The following IQGAP2 variants were observed in gnomAD, a reference collection of about 807,000 sequenced individuals.
IQGAP2 encodes the protein IQ motif containing GTPase activating protein 2.
IQGAP2 carries 173 observed loss-of-function variants against 201.3 expected under a neutral mutation model. The ratio of observed to expected loss-of-function variants is 0.86; its 90% confidence interval spans 0.76 to 0.98. IQGAP2 has a LOEUF of 0.98. Ranked by LOEUF, IQGAP2 falls within the 50% of genes least tolerant of loss-of-function variation. The pLI, the probability that IQGAP2 is intolerant of heterozygous loss-of-function variation, is 0.00. For synonymous variants in IQGAP2, 675 were observed against 673.9 expected (o/e 1.00, Z -0.03); for missense variants, 1,687 against 1,864.8 (o/e 0.90, Z 1.76).
chr5:76,481,985 CAG>C (rs1399053589), intron 2 of IQGAP2, among the ~76,000 whole-genome samples: 2 of 152,202 alleles, frequency 1.3e-5, no homozygotes, highest in African/African-American at 2.4e-5. Flanking sequence ...AGAATAGAAA[CAG>C]AGAATTTACC....
At position 76,403,461 on chromosome 5, in the gene IQGAP2, C is replaced by A; in HGVS notation, c.-85C>A. The A allele has an allele frequency of 9.2e-7, 1 of 1,084,556 alleles. No homozygotes were observed. The highest frequency in any genetic ancestry group is 1.2e-6 in the Non-Finnish European group (1 of 830,084). The allele number at this position is 1,084,556 out of a possible 1,614,324, so 67.2% of individuals were successfully genotyped here. On this transcript the variant is annotated 5_prime_UTR_variant, in exon 1 of 36. Coordinates refer to ENST00000274364, the MANE Select transcript of IQGAP2 (RefSeq NM_006633.5). The surrounding 1 kb of genome is among the most constrained non-coding windows in gnomAD (Gnocchi z 4.8). ...CGGCGAGAGGCGGGATCCGAGCGCG[C>A]CGGCGGGGCGCAGAGCCCGCGAGCC... is the stretch of plus-strand genomic sequence containing the variant.
chr5:76,636,795 A>T (rs1751162760), intron 15 of IQGAP2, among the ~76,000 whole-genome samples: 1 of 152,188 alleles, frequency 6.6e-6, no homozygotes, highest in African/African-American at 2.4e-5. Context: ...ATCCTCATGA[A>T]AGATTTAAGT....
chr5:76,707,296 A>T lies in IQGAP2; in HGVS notation c.4711A>T (p.Lys1571Ter). The T allele has an allele frequency of 6.6e-7, 1 of 1,521,262 alleles. No homozygotes were observed. The allele number at this position is 1,521,262 out of a possible 1,614,324, so 94.2% of individuals were successfully genotyped here. A position where few individuals can be genotyped will look rare whatever the true frequency, so the allele number is the denominator to read the frequency against. Reference sequence around the variant, plus strand: ...CCTTCTCATATACCTGCTGAACAAGAAGTTCTATGGAAAGTGAAGTGCCTA... The same window carrying T: ...CCTTCTCATATACCTGCTGAACAAGTAGTTCTATGGAAAGTGAAGTGCCTA... ...VNLLIYLLNKKFYGK is the reference protein window; with the variant it reads ...VNLLIYLLNK Residue 1571 changes from lysine (K) to a stop codon, truncating the protein, a stop_gained, in exon 36 of 36, where the codon AAG becomes TAG. Coordinates refer to ENST00000274364, the MANE Select transcript of IQGAP2 (RefSeq NM_006633.5). LOFTEE classifies it high-confidence loss of function.
intron 2 of IQGAP2, among the ~76,000 whole-genome samples, chr5:76,559,067 A>G (rs934561072): frequency 6.6e-6 from 1 of 151,812 alleles, no homozygotes; most frequent in African/African-American, 2.4e-5. Flanking sequence ...CGACCGGCTA[A>G]TTTTTTTGTA....
intron 17 of IQGAP2, among the ~76,000 whole-genome samples, chr5:76,646,252 C>A (rs960872938): frequency 2.0e-5 from 3 of 152,220 alleles, no homozygotes; most frequent in African/African-American, 7.2e-5. Flanking sequence ...TTATGAACAA[C>A]TGTTGGTGAC....
At chr5:76,452,777 C>T (rs1753839046) in intron 1 of IQGAP2, among the ~76,000 whole-genome samples, 2 of 152,120 alleles carry the variant, frequency 1.3e-5, no homozygotes, top group Admixed American at 1.3e-4. Flanking sequence ...ACTTTGGAAC[C>T]AGTTGTTTTG....
chr5:76,649,347 A>G (rs1447651096), intron 17 of IQGAP2, among the ~76,000 whole-genome samples: 2 of 152,232 alleles, frequency 1.3e-5, no homozygotes, highest in African/African-American at 4.8e-5. Context: ...TTTTATATCC[A>G]GCAAAAATAA....
At chr5:76,472,048 A>G (rs1331785264) in intron 2 of IQGAP2, among the ~76,000 whole-genome samples, 1 of 152,152 alleles carries the variant, frequency 6.6e-6, no homozygotes, top group African/African-American at 2.4e-5. Flanking sequence ...TGGTTGTTCC[A>G]TGCGGCAGCT....
At chr5:76,647,461 G>C (rs559981186) in intron 17 of IQGAP2, among the ~76,000 whole-genome samples, 12 of 152,278 alleles carry the variant, frequency 7.9e-5, no homozygotes, top group Admixed American at 3.9e-4. Flanking sequence ...CCCAGTGGGA[G>C]ATAATTTGAA....
rs1168810859 is a variant in IQGAP2, at chr5:76,405,987, G to A, written c.46+2396G>A. Among the ~76,000 whole-genome samples the A allele has an allele frequency of 3.9e-5, 6 of 152,286 alleles. No homozygotes were observed. In the Middle Eastern group the frequency reaches 0.01, roughly 259 times the overall value. On this transcript the variant is annotated intron_variant, in intron 1 of 35. Coordinates refer to ENST00000274364, the MANE Select transcript of IQGAP2 (RefSeq NM_006633.5). ...CTGAGTATAAGATGTTTGAGACTGG[G>A]CTTTAAACACAACTTTTTGGTAGTT...
intron 2 of IQGAP2, among the ~76,000 whole-genome samples, chr5:76,538,053 A>G (rs1759725144): frequency 6.6e-6 from 1 of 152,222 alleles, no homozygotes; most frequent in Non-Finnish European, 1.5e-5. Flanking sequence ...TTTATAAAGC[A>G]AGAGGTTTAA....
chr5:76,591,307 T>G (rs988091335), intron 8 of IQGAP2, among the ~76,000 whole-genome samples: 1 of 150,894 alleles, frequency 6.6e-6, no homozygotes, highest in African/African-American at 2.4e-5. Context: ...GAGAGGATGT[T>G]TTTGAATCTA....
intron 1 of IQGAP2, among the ~76,000 whole-genome samples, chr5:76,439,345 T>C (rs900588941): frequency 6.6e-6 from 1 of 152,236 alleles, no homozygotes; most frequent in Admixed American, 6.5e-5. Context: ...TTTGTAAATA[T>C]CTGTTAGGTT....
At chr5:76,431,307 T>G (rs918091508) in intron 1 of IQGAP2, among the ~76,000 whole-genome samples, 1 of 151,932 alleles carries the variant, frequency 6.6e-6, no homozygotes, top group Non-Finnish European at 1.5e-5. Flanking sequence ...TTAAATTTAA[T>G]TTATAAATAT....
chr5:76,409,138 A>T (rs151145238), intron 1 of IQGAP2, among the ~76,000 whole-genome samples: 48 of 151,988 alleles, frequency 3.2e-4, no homozygotes, highest in Admixed American at 1.1e-3. Context: ...CAACACAAAA[A>T]AACCTGTGGC....
At chr5:76,481,413 C>T (rs1336914122) in intron 2 of IQGAP2, among the ~76,000 whole-genome samples, 1 of 150,794 alleles carries the variant, frequency 6.6e-6, no homozygotes, top group African/African-American at 2.4e-5. Flanking sequence ...GATGGAGTCT[C>T]GCTCTGTTGC....
intron 2 of IQGAP2, among the ~76,000 whole-genome samples, chr5:76,498,970 G>C (rs188845463): frequency 1.3e-5 from 2 of 152,336 alleles, no homozygotes; most frequent in East Asian, 3.9e-4. Flanking sequence ...GAAAATAGTA[G>C]AAACAGGAGA....
At chr5:76,618,211 A>G in intron 13 of IQGAP2, 1 of 1,614,208 alleles carries the variant, frequency 6.2e-7, no homozygotes, top group South Asian at 1.1e-5. Flanking sequence ...GTGGCCCGGC[A>G]CAGGACCTCT....
intron 2 of IQGAP2, among the ~76,000 whole-genome samples, chr5:76,520,452 G>A (rs1415997389): frequency 1.3e-5 from 2 of 152,034 alleles, no homozygotes; most frequent in African/African-American, 2.4e-5. Context: ...GTGAGCCACC[G>A]CGCCCGGCGC....
Sources: gnomAD v4.1 joint callset for allele counts (sites outside exome capture counted in the v4.1 genomes callset) on GRCh38, gnomAD v4.1.1 for gene constraint, Gnocchi (gnomAD v3.1) non-coding constraint, MANE v1.5 for transcripts, NCBI Gene and HGNC (gene_info 2026-07-23, HGNC 2026-07-21) for gene names.